PIKFYVE: variants seen among roughly 807,000 people sequenced by gnomAD.
The protein encoded by PIKFYVE is 1-phosphatidylinositol 3-phosphate 5-kinase.
Under a neutral mutation model 257.9 loss-of-function variants are expected in PIKFYVE, and 122 were observed. That is an observed-to-expected ratio of 0.47 (90% confidence interval 0.41 to 0.55). The LOEUF (loss-of-function observed/expected upper bound fraction) is 0.55. PIKFYVE is among the 20% of genes least tolerant of loss of function. The probability of loss-of-function intolerance (pLI) is 0.00; values close to 1 mark genes in which losing one functional copy is unlikely to be tolerated. For missense variants in PIKFYVE, 2,160 were observed against 2,536.6 expected (o/e 0.85, Z 3.19); for synonymous variants, 892 against 868.9 (o/e 1.03, Z -0.47).
chr2:208,338,410 G>A (rs1698378626), intron 28 of PIKFYVE, 98 bp from the exon 29 acceptor site: 2 of 1,046,386 alleles, frequency 1.9e-6, no homozygotes, highest in East Asian at 5.0e-5. Flanking sequence ...GTATAAATGG[G>A]TCCTGAGACC....
chr2:208,298,507 A>G (rs1693272040), intron 7 of PIKFYVE, 134 bp from the exon 8 acceptor site: 1 of 1,112,282 alleles, frequency 9.0e-7, no homozygotes, highest in Non-Finnish European at 1.3e-6. Context: ...ATCATGCATA[A>G]CCATCATAAG....
intron 1 of PIKFYVE, among the ~76,000 whole-genome samples, chr2:208,268,131 A>C (rs772103834): frequency 3.3e-5 from 5 of 152,194 alleles, no homozygotes; most frequent in Non-Finnish European, 5.9e-5. Context: ...AGTGAGAGTT[A>C]TAAGATAATT....
chr2:208,276,953 A>C (rs1690189155), intron 4 of PIKFYVE, 123 bp downstream of exon 4: 1 of 722,830 alleles, frequency 1.4e-6, no homozygotes, highest in African/African-American at 1.8e-5. Context: ...AGCTGTGAGC[A>C]CCCTATTTTT....
At chr2:208,323,426 C>G (rs1696543215) in intron 17 of PIKFYVE, among the ~76,000 whole-genome samples, 1 of 151,802 alleles carries the variant, frequency 6.6e-6, no homozygotes, top group Admixed American at 6.6e-5. Flanking sequence ...CACGTCCCTA[C>G]AAAGGACATG....
intron 11 of PIKFYVE, 137 bp downstream of exon 11, chr2:208,304,455 C>A: frequency 8.4e-7 from 1 of 1,193,586 alleles, no homozygotes; most frequent in East Asian, 2.5e-5. Flanking sequence ...TGATAGCAGT[C>A]TTTGTCTTAG....
intron 12 of PIKFYVE, chr2:208,305,626 G>A (rs949715082): frequency 2.6e-6 from 1 of 377,412 alleles, no homozygotes; most frequent in African/African-American, 2.2e-5. Flanking sequence ...ATATTCAAAA[G>A]ATATTTGGTG....
chr2:208,275,285 T>C (rs1689957870), intron 3 of PIKFYVE, among the ~76,000 whole-genome samples: 1 of 152,256 alleles, frequency 6.6e-6, no homozygotes, highest in African/African-American at 2.4e-5. Flanking sequence ...TCAGCCAACA[T>C]CTGTGATTCT....
At chr2:208,286,960 G>T (rs566050951) in intron 6 of PIKFYVE, among the ~76,000 whole-genome samples, 26 of 152,288 alleles carry the variant, frequency 1.7e-4, no homozygotes, top group African/African-American at 5.8e-4. Flanking sequence ...TGAGAAATTA[G>T]TATGTAATGA....
intron 5 of PIKFYVE, among the ~76,000 whole-genome samples, chr2:208,282,761 A>G (rs1177733295): frequency 6.6e-6 from 1 of 152,182 alleles, no homozygotes. Context: ...AAATGGGATA[A>G]TATAGTGGTC....
intron 30 of PIKFYVE, 42 bp downstream of exon 30, chr2:208,339,597 G>T: frequency 6.2e-7 from 1 of 1,604,862 alleles, no homozygotes. Context: ...TTGTATCTAA[G>T]ACTGAAAGAT....
chr2:208,315,637 C>T (rs1356621209), intron 15 of PIKFYVE, among the ~76,000 whole-genome samples: 1 of 152,136 alleles, frequency 6.6e-6, no homozygotes, highest in East Asian at 1.9e-4. Flanking sequence ...TTTCTTGCTT[C>T]CTCTTCTTGA....
intron 12 of PIKFYVE, 103 bp downstream of exon 12, chr2:208,305,116 G>A: frequency 6.4e-7 from 1 of 1,567,274 alleles, no homozygotes; most frequent in Non-Finnish European, 8.6e-7. Context: ...CCACGTGGCT[G>A]AGGGTATTTG....
intron 24 of PIKFYVE, among the ~76,000 whole-genome samples, chr2:208,333,777 C>T (rs959393527): frequency 5.9e-5 from 9 of 152,138 alleles, no homozygotes; most frequent in Admixed American, 2.0e-4. Flanking sequence ...CGATCTACTA[C>T]CAGCCTCACT....
intron 25 of PIKFYVE, 53 bp downstream of exon 25, chr2:208,335,472 AG>A (rs1698029407): frequency 7.7e-7 from 1 of 1,299,096 alleles, no homozygotes; most frequent in African/African-American, 1.5e-5. Flanking sequence ...GCTATTTTAA[AG>A]TATCAGATTT....
chr2:208,340,540 A>C (rs776469365), intron 31 of PIKFYVE, among the ~76,000 whole-genome samples: 8 of 152,142 alleles, frequency 5.3e-5, no homozygotes, highest in Non-Finnish European at 1.0e-4. Context: ...ACAAGTTTTC[A>C]TGTGATCTTT....
At chr2:208,287,377 G>T (rs1281919747) in intron 6 of PIKFYVE, among the ~76,000 whole-genome samples, 1 of 151,138 alleles carries the variant, frequency 6.6e-6, no homozygotes, top group Non-Finnish European at 1.5e-5. Flanking sequence ...GGGTTCAAGC[G>T]ATTCTCCTGC....
At chr2:208,340,735 A>G (rs1368328892) in intron 31 of PIKFYVE, among the ~76,000 whole-genome samples, 2 of 152,176 alleles carry the variant, frequency 1.3e-5, no homozygotes, top group South Asian at 2.1e-4. Context: ...TATTTATTCA[A>G]TCAGTATTTA....
chr2:208,283,045 G>T (rs886118117), intron 5 of PIKFYVE, among the ~76,000 whole-genome samples: 1 of 152,102 alleles, frequency 6.6e-6, no homozygotes, highest in Non-Finnish European at 1.5e-5. Context: ...CTGCTTGCTC[G>T]CCACTCACCT....
intron 25 of PIKFYVE, 111 bp downstream of exon 25, chr2:208,335,530 A>G (rs981406699): frequency 2.1e-5 from 20 of 938,994 alleles, no homozygotes; most frequent in African/African-American, 5.0e-5. Context: ...ATTGTATGCT[A>G]TGCATGCTTG....
Sources: allele counts gnomAD v4.1 joint callset (sites outside exome capture counted in the v4.1 genomes callset), GRCh38; gene constraint gnomAD v4.1.1; transcripts MANE v1.5; gene names NCBI Gene and HGNC (gene_info 2026-07-23, HGNC 2026-07-21).